The following CAPN2 variants were observed in gnomAD, a reference collection of about 807,000 sequenced individuals.
The protein encoded by CAPN2 is calpain 2.
CAPN2 carries 92 observed loss-of-function variants against 102.3 expected under a neutral mutation model. That is an observed-to-expected ratio of 0.90 (90% CI 0.76 to 1.07). The LOEUF is 1.07. Ranked by LOEUF, CAPN2 falls within the 50% of genes least tolerant of loss-of-function variation. The pLI is 0.00. For synonymous variants in CAPN2, 340 were observed against 355.4 expected, an observed-to-expected ratio of 0.96 and a Z score of 0.49; for missense variants, 800 against 909.4, an observed-to-expected ratio of 0.88 and a Z score of 1.55.
intron 19 of CAPN2, 126 bp from the exon 20 acceptor site, chr1:223,772,055 C>CTAA: frequency 8.9e-7 from 1 of 1,123,544 alleles, no homozygotes; most frequent in Non-Finnish European, 1.4e-6. Context: ...TCCCTCTTTA[C>CTAA]TAATTTGAGG....
At position 223,753,120 on chromosome 1, in the gene CAPN2, C is replaced by CTCAATGAG. The variant is rs1390297973; in HGVS notation, c.1135+164_1135+165insTCAATGAG. Among the ~76,000 whole-genome samples the CTCAATGAG allele has an allele frequency of 5.7e-3, 868 of 151,010 alleles. 14 individuals carry two copies. The highest frequency in any genetic ancestry group is 0.02 in the African/African-American group (823 of 40,426). Reference sequence around the variant, plus strand: ...TCTTTCTCCCTGAGCCTTTTCTTTTCCCTGAGCCTTTTCTCCCCGAGCTCT... The same window carrying CTCAATGAG: ...TCTTTCTCCCTGAGCCTTTTCTTTTCTCAATGAGCCTGAGCCTTTTCTCCCCGAGCTCT... On this transcript the variant is annotated intron_variant, in intron 9 of 20. Coordinates refer to ENST00000295006, the MANE Select transcript of CAPN2 (RefSeq NM_001748.5).
chr1:223,728,088 A>C (rs1349329168), intron 2 of CAPN2, among the ~76,000 whole-genome samples: 1 of 147,750 alleles, frequency 6.8e-6, no homozygotes, highest in Non-Finnish European at 1.5e-5. Flanking sequence ...TACAGTTCAG[A>C]CTCCCAAGCA....
intron 2 of CAPN2, among the ~76,000 whole-genome samples, chr1:223,723,975 T>G (rs932296938): frequency 6.6e-6 from 1 of 151,828 alleles, no homozygotes; most frequent in Non-Finnish European, 1.5e-5. Context: ...TTTGCCTGTT[T>G]GGGTGCCTCT....
At chr1:223,750,271 T>C (rs901140890) in intron 6 of CAPN2, among the ~76,000 whole-genome samples, 7 of 152,234 alleles carry the variant, frequency 4.6e-5, no homozygotes, top group Non-Finnish European at 1.0e-4. Context: ...TGTGCACTTT[T>C]TTTGAGCCAT....
chr1:223,714,242 A>G (rs1659814941), intron 1 of CAPN2, among the ~76,000 whole-genome samples: 1 of 152,214 alleles, frequency 6.6e-6, no homozygotes, highest in South Asian at 2.1e-4. Context: ...TGCAGGAATC[A>G]TGTGTATATT....
chr1:223,742,687 T>G (rs974429511), intron 2 of CAPN2, among the ~76,000 whole-genome samples: 7 of 133,324 alleles, frequency 5.3e-5, no homozygotes, highest in African/African-American at 2.6e-4. Flanking sequence ...ACCTGGCAAA[T>G]TTTTGTATTT....
At chr1:223,738,700 G>A (rs1400686203) in intron 2 of CAPN2, among the ~76,000 whole-genome samples, 1 of 152,242 alleles carries the variant, frequency 6.6e-6, no homozygotes, top group African/African-American at 2.4e-5. Flanking sequence ...CCTGCACACT[G>A]TTGCAAACAG....
chr1:223,759,309 T>C lies in CAPN2; in HGVS notation c.1357T>C (p.Phe453Leu). 6.2e-7 allele frequency: 1 copy of C among 1,614,228 alleles called. No individual in the cohort carries two copies. Residue 453 changes from phenylalanine (F) to leucine (L), a missense_variant, in exon 12 of 21, where the codon TTC becomes CTC. Coordinates refer to ENST00000295006, the MANE Select transcript of CAPN2 (RefSeq NM_001748.5). The surrounding 1 kb of genome is among the most constrained non-coding windows in gnomAD (Gnocchi z 4.6). ...QTNIHLSKNF[F>L]LTNRARERSD... ...CAACATCCACCTCAGCAAAAACTTC[T>C]TCCTGACGAATCGCGCCAGGGAGCG...
At chr1:223,766,640 C>G (rs965906804) in intron 16 of CAPN2, among the ~76,000 whole-genome samples, 3 of 152,210 alleles carry the variant, frequency 2.0e-5, no homozygotes, top group African/African-American at 7.2e-5. Context: ...TACACCCCCC[C>G]TCCCACCTAC....
intron 7 of CAPN2, among the ~76,000 whole-genome samples, 197 bp from the exon 8 acceptor site, chr1:223,751,800 A>T (rs1343863118): frequency 1.3e-5 from 2 of 152,182 alleles, no homozygotes; most frequent in Non-Finnish European, 2.9e-5. Context: ...CCTGGTTTGC[A>T]TCTGTATAGT....
rs10556130 is a variant in CAPN2, at chr1:223,719,805, C to CGTGTGTGTGTGTGTGTGT, written c.307+1984_307+2001dup. ...GTCTGTAATTTCTCAGGGGTGTGTG[C>CGTGTGTGTGTGTGTGTGT]GTGTGTGTGTGTGTGTGTGTGTGTG... On this transcript the variant is annotated intron_variant, in intron 2 of 20. Transcript: ENST00000295006. 3.5e-3 allele frequency among the ~76,000 whole-genome samples: 499 copies of CGTGTGTGTGTGTGTGTGT among 143,730 alleles called. 4 individuals carry two copies. The highest frequency in any genetic ancestry group is 5.1e-3 in the Non-Finnish European group (342 of 66,678). The allele number at this position is 143,730 out of a possible 152,430, so 94.3% of individuals were successfully genotyped here.
intron 2 of CAPN2, among the ~76,000 whole-genome samples, chr1:223,736,988 G>A (rs745445158): frequency 1.6e-4 from 25 of 152,096 alleles, no homozygotes; most frequent in Non-Finnish European, 1.3e-4. Context: ...GCAGTGAGCT[G>A]TGATTGCACC....
rs1660224244 is a variant in CAPN2 at position 223,727,387 on chromosome 1, A to T, written c.307+9556A>T. On this transcript the variant is annotated intron_variant, in intron 2 of 20. Coordinates refer to ENST00000295006, the MANE Select transcript of CAPN2 (RefSeq NM_001748.5). The surrounding 1 kb of genome is among the most constrained non-coding windows in gnomAD (Gnocchi z 4.1). Reference sequence around the variant, plus strand: ...CTGCATCCTTGGCCTCTACCCACACACCCCCGTGTGCCACTCAAAAATGTC... The same window carrying T: ...CTGCATCCTTGGCCTCTACCCACACTCCCCCGTGTGCCACTCAAAAATGTC... Among the ~76,000 whole-genome samples the T allele has an allele frequency of 6.6e-6, 1 of 151,774 alleles. No homozygotes were observed. Among genetic ancestry groups the T allele is most frequent in the South Asian group, 2.1e-4 (1 of 4,794 alleles).
chr1:223,736,600 C>T (rs776296790), intron 2 of CAPN2, among the ~76,000 whole-genome samples: 31 of 152,186 alleles, frequency 2.0e-4, no homozygotes, highest in Non-Finnish European at 2.2e-4. Context: ...AGTGCTGGGT[C>T]CAGACTCCCA....
chr1:223,772,029 G>A (rs1661490687), intron 19 of CAPN2, 104 bp downstream of exon 19: 3 of 1,121,400 alleles, frequency 2.7e-6, no homozygotes, highest in Middle Eastern at 4.0e-4. Context: ...TGTCTTCCAG[G>A]AGTTGAGAAT....
chr1:223,752,528 A>G (rs1558072828), intron 8 of CAPN2, among the ~76,000 whole-genome samples: 1 of 152,222 alleles, frequency 6.6e-6, no homozygotes, highest in Non-Finnish European at 1.5e-5. Context: ...ATATTGTCAC[A>G]TTTGATGGGC....
At chr1:223,735,269 T>G (rs2102788006) in intron 2 of CAPN2, among the ~76,000 whole-genome samples, 1 of 152,286 alleles carries the variant, frequency 6.6e-6, no homozygotes, top group East Asian at 1.9e-4. Context: ...GGCTCATGCA[T>G]GTAATCCCAG....
At chr1:223,749,380 T>G in intron 6 of CAPN2, 2 of 577,364 alleles carry the variant, frequency 3.5e-6, no homozygotes, top group Admixed American at 6.4e-5. Context: ...GATGTTACCC[T>G]GTTTTACAGT....
Position 223,712,555 on chromosome 1 carries a change from C to CGCCGGGCCCTG in CAPN2, c.-81_-71dup. On this transcript the variant is annotated 5_prime_UTR_variant, in exon 1 of 21. Transcript: ENST00000295006. ...GGCGCCCGCAGTGGCCGCAGCAGCG[C>CGCCGGGCCCTG]GCCGGGCCCTGGCCGCGCCCCAGCC... is the stretch of plus-strand genomic sequence containing the variant. The CGCCGGGCCCTG allele has an allele frequency of 7.6e-7, 1 of 1,312,766 alleles. No individual in the cohort carries two copies. The highest frequency in any genetic ancestry group is 9.7e-7 in the Non-Finnish European group (1 of 1,035,580). The allele number at this position is 1,312,766 out of a possible 1,614,324, so 81.3% of individuals were successfully genotyped here. A position where few individuals can be genotyped will look rare whatever the true frequency, so the allele number is the denominator to read the frequency against.
Sources: gnomAD v4.1 joint callset for allele counts (sites outside exome capture counted in the v4.1 genomes callset) on GRCh38, gnomAD v4.1.1 for gene constraint, Gnocchi (gnomAD v3.1) non-coding constraint, MANE v1.5 for transcripts, NCBI Gene and HGNC (gene_info 2026-07-23, HGNC 2026-07-21) for gene names.